The following EIF2D variants were observed in gnomAD, a reference collection of about 807,000 sequenced individuals.
EIF2D encodes eukaryotic translation initiation factor 2D.
EIF2D carries 56 observed loss-of-function variants against 77.4 expected under a neutral mutation model. That is an observed-to-expected ratio of 0.72 (90% CI 0.58 to 0.90). EIF2D has a LOEUF of 0.90. EIF2D is among the 40% of genes least tolerant of loss of function. The probability of loss-of-function intolerance (pLI) is 0.00; values close to 1 mark genes in which losing one functional copy is unlikely to be tolerated. For synonymous variants in EIF2D, 230 were observed against 271.0 expected (o/e 0.85, Z 1.49); for missense variants, 574 against 706.5 (o/e 0.81, Z 2.13).
chr1:206,611,965 TTA>T (rs1670518670), intron 1 of EIF2D, among the ~76,000 whole-genome samples: 1 of 152,230 alleles, frequency 6.6e-6, no homozygotes, highest in African/African-American at 2.4e-5. Context: ...CCAAGGGGCA[TTA>T]AGCTCTTTGG....
intron 7 of EIF2D, chr1:206,600,660 C>T (rs1164847952): frequency 2.2e-5 from 4 of 180,988 alleles, no homozygotes; most frequent in Admixed American, 1.1e-4. Flanking sequence ...CTGAAAATAG[C>T]GACATGTGGC....
chr1:206,584,457 C>G lies in EIF2D; in HGVS notation c.139-3295G>C, dbSNP rs910307989. On this transcript the variant is annotated intron_variant and NMD_transcript_variant, in intron 2 of 5. Transcript: ENST00000472709. The surrounding 1 kb of genome is among the most constrained non-coding windows in gnomAD (Gnocchi z 4.9). ...CTCCGGCGGCCTGTGACGGTGCCTG[C>G]TGGGATCCGGCCCCAGTCCATCTAT... 17 of 1,614,066 alleles carry G rather than the reference C, an allele frequency of 1.1e-5. No homozygotes were observed. The highest frequency in any genetic ancestry group is 1.4e-5 in the Non-Finnish European group (16 of 1,180,044).
downstream of EIF2D, among the ~76,000 whole-genome samples, chr1:206,570,445 CATT>C (rs1668412776): frequency 6.6e-6 from 1 of 152,134 alleles, no homozygotes; most frequent in African/African-American, 2.4e-5. Context: ...TATAACCTCA[CATT>C]GTTGTACAAC....
chr1:206,586,553 ACAGAAAC>A, intron 2 of EIF2D: 2 of 313,090 alleles, frequency 6.4e-6, no homozygotes, highest in South Asian at 3.7e-5. Context: ...CGGCTGCTAC[ACAGAAAC>A]TTAAGATTAT....
At chr1:206,597,814 G>A (rs576731453) in intron 11 of EIF2D, among the ~76,000 whole-genome samples, 23 of 151,978 alleles carry the variant, frequency 1.5e-4, no homozygotes, top group Admixed American at 9.2e-4. Flanking sequence ...GCATGGTGGC[G>A]CATCCCTGTA....
At chr1:206,573,713 A>G (rs7513444) in intron 4 of EIF2D, among the ~76,000 whole-genome samples, 84,076 of 152,108 alleles carry the variant, frequency 0.55, 23,439 homozygotes, top group Middle Eastern at 0.68. Flanking sequence ...TCTACTTGGA[A>G]GTTAATATAA....
At chr1:206,591,914 C>T in intron 14 of EIF2D, 69 bp from the exon 15 acceptor site, 1 of 1,482,568 alleles carries the variant, frequency 6.7e-7, no homozygotes, top group Non-Finnish European at 9.4e-7. Context: ...CTCCACCAGT[C>T]CCCGTTGCCT....
At chr1:206,574,985 G>A (rs1015121423) in intron 4 of EIF2D, among the ~76,000 whole-genome samples, 2 of 150,312 alleles carry the variant, frequency 1.3e-5, no homozygotes, top group East Asian at 2.0e-4. Flanking sequence ...TTAGCCTCCC[G>A]AGTAGTTGGG....
chr1:206,584,578 C>T lies in EIF2D; in HGVS notation c.139-3416G>A, dbSNP rs1553407141. ...CCATCAAGCAGCTGCACATCAGCAG[C>T]ACCACCACCGTCAGTGAGGTCATCC... On this transcript the variant is annotated intron_variant and NMD_transcript_variant, in intron 2 of 5. Coordinates refer to the EIF2D transcript ENST00000472709. This position sits in a 1 kb window ranked among gnomAD's most constrained non-coding sequence, Gnocchi z 4.9. 10 of 1,614,224 alleles carry T rather than the reference C, an allele frequency of 6.2e-6. No homozygotes were observed. The highest frequency in any genetic ancestry group is 1.1e-5 in the South Asian group (1 of 91,088).
chr1:206,597,755 G>C (rs534909776), intron 11 of EIF2D, among the ~76,000 whole-genome samples: 31 of 152,204 alleles, frequency 2.0e-4, no homozygotes, highest in African/African-American at 7.2e-4. Context: ...GACTAGCCTG[G>C]CCAACATGGT....
chr1:206,608,451 T>C (rs1670306636), intron 3 of EIF2D, 125 bp from the exon 4 acceptor site: 2 of 738,836 alleles, frequency 2.7e-6, no homozygotes. Context: ...TTTTTCATAA[T>C]AAAAATGAAA....
In EIF2D at chr1:206,577,673, G is replaced by A. The variant is rs73080964; in HGVS notation, c.*254+3019C>T. On this transcript the variant is annotated intron_variant and NMD_transcript_variant, in intron 4 of 5. Coordinates refer to the EIF2D transcript ENST00000472709. ...GGACACCATAGAGGACAAGACAGGC[G>A]TGGGTGCTTCTCTCACAGAACTCAG... 7.2e-3 allele frequency among the ~76,000 whole-genome samples: 1,104 copies of A among 152,306 alleles called. 13 individuals carry two copies. Among genetic ancestry groups the A allele is most frequent in the African/African-American group, 0.022 (897 of 41,556 alleles).
chr1:206,574,062 A>G (rs1553404703), intron 4 of EIF2D, among the ~76,000 whole-genome samples: 2 of 152,236 alleles, frequency 1.3e-5, no homozygotes, highest in Non-Finnish European at 2.9e-5. Flanking sequence ...TCGGTTTTTA[A>G]TATTATAATG....
downstream of EIF2D, chr1:206,586,833 C>G (rs1553407755): frequency 1.9e-6 from 3 of 1,612,352 alleles, no homozygotes; most frequent in Non-Finnish European, 2.5e-6. Flanking sequence ...CAGTGGGATG[C>G]CTTCTCCATC....
intron 5 of EIF2D, among the ~76,000 whole-genome samples, chr1:206,571,895 G>A (rs1553404256): frequency 6.6e-6 from 1 of 152,184 alleles, no homozygotes; most frequent in Non-Finnish European, 1.5e-5. Context: ...GATGTCCCAA[G>A]GGAAAATTCC....
At chr1:206,594,654 A>G (rs1482488025) in intron 13 of EIF2D, 1 of 152,090 alleles carries the variant, frequency 6.6e-6, no homozygotes, top group Non-Finnish European at 1.5e-5. Context: ...ATCTCTTCCA[A>G]TTGCCCACCT....
At chr1:206,578,687 G>A (rs782113398) in intron 4 of EIF2D, among the ~76,000 whole-genome samples, 29 of 152,216 alleles carry the variant, frequency 1.9e-4, no homozygotes, top group Admixed American at 1.3e-3. Flanking sequence ...CAGTACTGCC[G>A]GTGGGACACA....
At chr1:206,586,524 AGCATC>A (rs1669117849) in intron 2 of EIF2D, 1 of 275,508 alleles carries the variant, frequency 3.6e-6, no homozygotes, top group Non-Finnish European at 7.0e-6. Flanking sequence ...GGGTGGTTCC[AGCATC>A]ACTGTCAAGA....
At chr1:206,611,483 T>C (rs541833089) in intron 1 of EIF2D, 109 bp from the exon 2 acceptor site, 8 of 855,100 alleles carry the variant, frequency 9.4e-6, no homozygotes, top group Admixed American at 2.7e-5. Flanking sequence ...CAAAGAAAGA[T>C]TGCCTGGTTT....
Sources: gnomAD v4.1 joint callset for allele counts (sites outside exome capture counted in the v4.1 genomes callset) on GRCh38, gnomAD v4.1.1 for gene constraint, Gnocchi (gnomAD v3.1) non-coding constraint, MANE v1.5 for transcripts, NCBI Gene and HGNC (gene_info 2026-07-23, HGNC 2026-07-21) for gene names.